Variants in TPD52L1 observed in about 807,000 individuals in gnomAD.
The protein encoded by TPD52L1 is tumor protein D53.
TPD52L1 carries 18 observed loss-of-function variants against 28.7 expected under a neutral mutation model. The ratio of observed to expected loss-of-function variants is 0.63; its 90% CI spans 0.43 to 0.93. The LOEUF is 0.93. Ranked by LOEUF, TPD52L1 falls within the 40% of genes least tolerant of loss-of-function variation. TPD52L1 has a pLI of 0.00. For synonymous variants in TPD52L1, 75 were observed against 88.8 expected (o/e 0.84, Z 0.88); for missense variants, 203 against 254.8 (o/e 0.80, Z 1.39).
chr6:125,253,397 G>A (rs1797396155), intron 4 of TPD52L1: 1 of 374,946 alleles, frequency 2.7e-6, no homozygotes, highest in East Asian at 5.1e-5. Context: ...ACCTAAGTTG[G>A]GCCTGGAGAA....
At chr6:125,172,539 T>TATATATATATATTATATATATATATA (rs1791529077) in intron 1 of TPD52L1, among the ~76,000 whole-genome samples, 1 of 95,042 alleles carries the variant, frequency 1.1e-5, no homozygotes, top group Non-Finnish European at 2.0e-5. Flanking sequence ...TATATATATA[T>TATATATATATATTATATATATATATA]ATATATATAT....
At chr6:125,251,704 T>A (rs930937728) in intron 4 of TPD52L1, among the ~76,000 whole-genome samples, 5 of 152,212 alleles carry the variant, frequency 3.3e-5, no homozygotes, top group African/African-American at 1.2e-4. Context: ...TCTAATAACA[T>A]TGGCATCTTC....
At chr6:125,156,225 A>ACTT (rs1790106713) in intron 1 of TPD52L1, among the ~76,000 whole-genome samples, 1 of 152,142 alleles carries the variant, frequency 6.6e-6, no homozygotes, top group Non-Finnish European at 1.5e-5. Flanking sequence ...GCACTTCGGG[A>ACTT]GGCCAAGGTA....
chr6:125,203,069 C>G (rs1793893135), intron 1 of TPD52L1, among the ~76,000 whole-genome samples: 1 of 152,044 alleles, frequency 6.6e-6, no homozygotes, highest in Admixed American at 6.5e-5. Context: ...TTTCCCAGTT[C>G]CATGAAATGT....
Position 125,262,968 on chromosome 6 carries a change from G to A in TPD52L1, c.*6G>A. Reference sequence around the variant, plus strand: ...AGGAGGAGCTGCAGTGCTAAGTCCAGCCAGCGTGCAGCTGCATCCAGAAAC... The same window carrying A: ...AGGAGGAGCTGCAGTGCTAAGTCCAACCAGCGTGCAGCTGCATCCAGAAAC... On this transcript the variant is annotated 3_prime_UTR_variant, in exon 7 of 7. Transcript: ENST00000534000. 1.2e-6 allele frequency: 2 copies of A among 1,611,808 alleles called. No individual in the cohort carries two copies. The highest frequency in any genetic ancestry group is 1.7e-6 in the Non-Finnish European group (2 of 1,179,074).
At chr6:125,216,981 A>C (rs1031018556) in intron 1 of TPD52L1, among the ~76,000 whole-genome samples, 2 of 152,168 alleles carry the variant, frequency 1.3e-5, no homozygotes, top group Non-Finnish European at 2.9e-5. Flanking sequence ...TTGTAGGATA[A>C]TTATTTGCCT....
intron 3 of TPD52L1, among the ~76,000 whole-genome samples, chr6:125,241,984 C>T (rs375677180): frequency 4.6e-5 from 7 of 152,022 alleles, no homozygotes; most frequent in African/African-American, 7.2e-5. Flanking sequence ...CCTCTTAGCA[C>T]TGCTTTTGTT....
intron 1 of TPD52L1, among the ~76,000 whole-genome samples, chr6:125,181,295 G>A (rs138516238): frequency 2.1e-3 from 325 of 152,166 alleles, no homozygotes; most frequent in African/African-American, 7.3e-3. Flanking sequence ...AGATACTCAC[G>A]CAGAAGGATG....
intron 3 of TPD52L1, among the ~76,000 whole-genome samples, chr6:125,241,597 T>A (rs1796614996): frequency 6.6e-6 from 1 of 152,112 alleles, no homozygotes; most frequent in African/African-American, 2.4e-5. Flanking sequence ...CTCTAGATTT[T>A]CTAGTTTGTG....
At chr6:125,222,276 A>T (rs1795292745) in intron 2 of TPD52L1, among the ~76,000 whole-genome samples, 1 of 152,188 alleles carries the variant, frequency 6.6e-6, no homozygotes, top group Non-Finnish European at 1.5e-5. Flanking sequence ...GGCCTCCTAT[A>T]GAGTCAGCCC....
intron 3 of TPD52L1, among the ~76,000 whole-genome samples, chr6:125,238,570 G>C (rs185752697): frequency 1.3e-5 from 2 of 151,236 alleles, no homozygotes; most frequent in Non-Finnish European, 1.5e-5. Context: ...GCATCCTCAC[G>C]GCTTAGTTCC....
At chr6:125,154,399 G>A (rs1789972766) in intron 1 of TPD52L1, 2 of 994,274 alleles carry the variant, frequency 2.0e-6, no homozygotes, top group Non-Finnish European at 2.4e-6. Flanking sequence ...TGGCTCCCAA[G>A]TTAGGGAGTG....
chr6:125,222,484 A>G (rs908448949), intron 2 of TPD52L1, among the ~76,000 whole-genome samples: 2 of 152,204 alleles, frequency 1.3e-5, no homozygotes, highest in Admixed American at 6.5e-5. Flanking sequence ...CTGTGTGTAC[A>G]AGGACTTCTG....
chr6:125,223,708 C>CAAAAAAA (rs11294390), intron 2 of TPD52L1, among the ~76,000 whole-genome samples: 3 of 71,482 alleles, frequency 4.2e-5, no homozygotes, highest in African/African-American at 9.1e-5. Flanking sequence ...GATTCCATCT[C>CAAAAAAA]AAAAAAAAAA....
intron 1 of TPD52L1, chr6:125,214,318 A>C (rs1794714295): frequency 3.8e-6 from 1 of 261,506 alleles, no homozygotes; most frequent in African/African-American, 2.3e-5. Flanking sequence ...TTCTTCTCTA[A>C]GTGTAACCCA....
intron 3 of TPD52L1, among the ~76,000 whole-genome samples, chr6:125,242,316 G>A (rs888194085): frequency 4.6e-5 from 7 of 152,068 alleles, no homozygotes; most frequent in African/African-American, 1.7e-4. Flanking sequence ...ATTAGTTCTA[G>A]TGTAGAGTTT....
intron 2 of TPD52L1, among the ~76,000 whole-genome samples, chr6:125,224,271 G>A (rs1795449211): frequency 6.6e-6 from 1 of 152,156 alleles, no homozygotes; most frequent in South Asian, 2.1e-4. Context: ...GAGATAAGAT[G>A]ACTTAAGAGA....
intron 1 of TPD52L1, among the ~76,000 whole-genome samples, chr6:125,210,580 TA>T (rs56358154): frequency 0.5 from 76,467 of 151,886 alleles, 19,585 homozygotes; most frequent in East Asian, 0.64. Context: ...TGTACTGGTG[TA>T]TATGCATGTA....
At chr6:125,173,916 A>C (rs1791660145) in intron 1 of TPD52L1, among the ~76,000 whole-genome samples, 1 of 152,204 alleles carries the variant, frequency 6.6e-6, no homozygotes, top group South Asian at 2.1e-4. Flanking sequence ...GAAGAAAGCA[A>C]ACTAAAGGGC....
Sources: allele counts gnomAD v4.1 joint callset (sites outside exome capture counted in the v4.1 genomes callset), GRCh38; gene constraint gnomAD v4.1.1; transcripts MANE v1.5; gene names NCBI Gene and HGNC (gene_info 2026-07-23, HGNC 2026-07-21).